CUBN: variants seen among roughly 807,000 people sequenced by gnomAD.
CUBN encodes the protein cubilin, also known as 460 kDa receptor.
Under a neutral mutation model 405.3 loss-of-function variants are expected in CUBN, and 282 were observed. The observed-to-expected ratio is 0.70, with a 90% CI of 0.63 to 0.77. The LOEUF (loss-of-function observed/expected upper bound fraction) is 0.77. Ranked by LOEUF, CUBN falls within the 30% of genes least tolerant of loss-of-function variation. The pLI, the probability that CUBN is intolerant of heterozygous loss-of-function variation, is 0.00. For synonymous variants in CUBN, 1,684 were observed against 1,617.0 expected, an observed-to-expected ratio of 1.04 and a Z score of -0.99; for missense variants, 4,514 against 4,475.2, an observed-to-expected ratio of 1.01 and a Z score of -0.25.
intron 2 of CUBN, 140 bp from the exon 3 acceptor site, chr10:17,128,064 A>C: frequency 1.7e-6 from 1 of 602,256 alleles, no homozygotes; most frequent in Non-Finnish European, 2.9e-6. Flanking sequence ...AACCAAAACA[A>C]CACCATGCGT....
chr10:17,013,680 A>T (rs1347712365), intron 28 of CUBN, among the ~76,000 whole-genome samples: 1 of 152,248 alleles, frequency 6.6e-6, no homozygotes, highest in East Asian at 1.9e-4. Context: ...TTAGATAAGC[A>T]TACTTGCTAT....
chr10:16,907,659 A>G lies in CUBN; in HGVS notation c.7554T>C (p.Ser2518=). The part of the protein sequence containing the change: ...EHVIVFNGIR[S]NSPQLEKLCS... ...ACAGTTTCTCTAGCTGGGGTGAGTTACTTCTAATGCCATTGAATACCTGTT... is the reference window on the plus strand; with the variant it reads ...ACAGTTTCTCTAGCTGGGGTGAGTTGCTTCTAATGCCATTGAATACCTGTT... Residue 2518 remains serine (S), a synonymous_variant, in exon 49 of 67, where the codon AGT becomes AGC. Coordinates refer to ENST00000377833, the MANE Select transcript of CUBN (RefSeq NM_001081.4). 1 of 1,612,274 alleles carries G rather than the reference A, an allele frequency of 6.2e-7. No homozygotes were observed. Among genetic ancestry groups the G allele is most frequent in the Non-Finnish European group, 8.5e-7 (1 of 1,179,942 alleles).
chr10:16,868,798 T>C (rs1840262341), intron 59 of CUBN, among the ~76,000 whole-genome samples: 1 of 152,118 alleles, frequency 6.6e-6, no homozygotes, highest in Non-Finnish European at 1.5e-5. Flanking sequence ...CCAGTCCAAA[T>C]TCCTTCTCAA....
intron 14 of CUBN, among the ~76,000 whole-genome samples, chr10:17,090,249 A>G (rs1836224162): frequency 6.6e-6 from 1 of 152,220 alleles, no homozygotes. Flanking sequence ...AAAAAAGCCA[A>G]CTATAGACCA....
At chr10:17,102,026 C>A (rs951122245) in intron 13 of CUBN, among the ~76,000 whole-genome samples, 5 of 152,128 alleles carry the variant, frequency 3.3e-5, no homozygotes, top group African/African-American at 1.2e-4. Context: ...AAGCAACCAT[C>A]TTCTAAAATA....
At chr10:16,962,630 C>T (rs561753961) in intron 31 of CUBN, among the ~76,000 whole-genome samples, 78 of 152,260 alleles carry the variant, frequency 5.1e-4, no homozygotes, top group African/African-American at 1.6e-3. Context: ...AAAGATGGTT[C>T]CTGCCCTCTT....
rs1159832210 is a variant in CUBN, at chr10:16,851,363, A to T, written c.9535T>A (p.Tyr3179Asn). 3.1e-6 allele frequency: 5 copies of T among 1,614,048 alleles called. No homozygotes were observed. The highest frequency in any genetic ancestry group is 1.7e-5 in the Admixed American group (1 of 59,998). Residue 3179 changes from tyrosine (Y) to asparagine (N), a missense_variant, in exon 60 of 67, where the codon TAT (tyrosine) becomes AAT (asparagine). Tyr to Asn is a moderately radical substitution (Grantham distance 143). This residue lies in a region of CUBN where 1,186 missense variants were observed against 1,186.9 expected (regional missense o/e 1.00). Transcript: ENST00000377833. ...ASPDSDSNGM[Y>N]DKNLNCVWII... ...CATACACAGTTTAAATTCTTGTCAT[A>T]CATTCCATTCGAATCAGAATCAGGA...
chr10:16,826,212 T>C (rs1262496393), intron 66 of CUBN, among the ~76,000 whole-genome samples: 1 of 152,196 alleles, frequency 6.6e-6, no homozygotes, highest in African/African-American at 2.4e-5. Flanking sequence ...TGTGTTTATA[T>C]TAGCAAAATA....
chr10:16,862,442 T>G (rs189915006), intron 59 of CUBN, among the ~76,000 whole-genome samples: 156 of 152,330 alleles, frequency 1.0e-3, no homozygotes, highest in Non-Finnish European at 1.7e-3. Context: ...CAGCTCATGC[T>G]ACATCTGGTA....
At chr10:16,843,878 A>G (rs1839432450) in intron 60 of CUBN, among the ~76,000 whole-genome samples, 2 of 152,218 alleles carry the variant, frequency 1.3e-5, no homozygotes, top group Admixed American at 6.5e-5. Context: ...TATACAAAAT[A>G]GAGAAAAATA....
intron 28 of CUBN, among the ~76,000 whole-genome samples, chr10:16,992,242 G>A (rs1219068761): frequency 1.3e-5 from 2 of 152,092 alleles, no homozygotes; most frequent in Admixed American, 1.3e-4. Context: ...GGTCTGTCAT[G>A]GGGTGGGGGA....
At chr10:16,954,847 C>T (rs969211368) in intron 31 of CUBN, among the ~76,000 whole-genome samples, 17 of 152,150 alleles carry the variant, frequency 1.1e-4, no homozygotes. Flanking sequence ...AGTCACCTCA[C>T]AGGCCATGCC....
chr10:17,017,976 C>T (rs1406124339), intron 28 of CUBN, among the ~76,000 whole-genome samples: 2 of 152,120 alleles, frequency 1.3e-5, no homozygotes, highest in Admixed American at 1.3e-4. Flanking sequence ...GCAGGGCCAA[C>T]CAACTTGTTG....
chr10:16,954,850 G>T (rs560173277), intron 31 of CUBN, among the ~76,000 whole-genome samples: 2 of 152,182 alleles, frequency 1.3e-5, no homozygotes, highest in South Asian at 2.1e-4. Flanking sequence ...CACCTCACAG[G>T]CCATGCCCAC....
At chr10:17,106,536 T>C (rs1213925940) in intron 10 of CUBN, among the ~76,000 whole-genome samples, 1 of 148,082 alleles carries the variant, frequency 6.8e-6, no homozygotes, top group Non-Finnish European at 1.5e-5. Flanking sequence ...AGGTGGAGGT[T>C]GCAGTGAGCC....
In CUBN at chr10:17,047,375, T is replaced by C. The variant is rs373653806; in HGVS notation, c.3329+39A>G. 1.3e-5 allele frequency: 19 copies of C among 1,464,024 alleles called. No homozygotes were observed. In the African/African-American group the frequency reaches 2.7e-4, roughly 21 times the overall value. The allele number at this position is 1,464,024 out of a possible 1,614,324, so 90.7% of individuals were successfully genotyped here. On this transcript the variant is annotated intron_variant, in intron 23 of 66. Transcript: ENST00000377833. ...AGGAAAGATTATTAATGAGAATAAATAATGAAAAGATTATAATGAAATAAA... is the reference window on the plus strand; with the variant it reads ...AGGAAAGATTATTAATGAGAATAAACAATGAAAAGATTATAATGAAATAAA...
At chr10:17,016,810 G>C (rs1834340581) in intron 28 of CUBN, among the ~76,000 whole-genome samples, 1 of 152,172 alleles carries the variant, frequency 6.6e-6, no homozygotes, top group Admixed American at 6.5e-5. Context: ...GGGGTAAGCT[G>C]AAAGGTCCTC....
At position 16,915,161 on chromosome 10, in the gene CUBN, C is replaced by A; in HGVS notation, c.7222G>T (p.Gly2408Cys). 6.2e-7 allele frequency: 1 copy of A among 1,613,796 alleles called. No homozygotes were observed. Among genetic ancestry groups the A allele is most frequent in the Non-Finnish European group, 8.5e-7 (1 of 1,179,964 alleles). The change falls in exon 47 of 67, where the codon GGC becomes TGC. Residue 2408 changes from glycine (G) to cysteine (C), a missense_variant. Physicochemically the swap from Gly to Cys is radical, Grantham distance 159. Transcript: ENST00000377833. ...WDNHTSGNIL[G>C]RYCGNTIPDS... ...GGAATGGTGTTTCCACAGTATCTGC[C>A]CAAGATGTTTCCTGTGAGAGACAAA...
chr10:16,842,317 G>T (rs2131323021), intron 60 of CUBN, among the ~76,000 whole-genome samples: 1 of 152,298 alleles, frequency 6.6e-6, no homozygotes, highest in Admixed American at 6.5e-5. Context: ...TGAATGTACA[G>T]ATTTCTTTTC....
Sources: gnomAD v4.1 joint callset for allele counts (sites outside exome capture counted in the v4.1 genomes callset) on GRCh38, gnomAD v4.1.1 for gene constraint, gnomAD v4.1.1 regional missense constraint, MANE v1.5 for transcripts, NCBI Gene and HGNC (gene_info 2026-07-23, HGNC 2026-07-21) for gene names.